Variants in MAVS observed in about 807,000 individuals in gnomAD.
MAVS encodes the protein mitochondrial antiviral-signaling protein.
Under a neutral mutation model 30.2 loss-of-function variants are expected in MAVS, and 20 were observed. The observed-to-expected ratio is 0.66, with a 90% CI of 0.47 to 0.96. The LOEUF (loss-of-function observed/expected upper bound fraction) is 0.96. MAVS is among the 40% of genes least tolerant of loss of function. MAVS has a pLI of 0.00. For missense variants in MAVS, 624 were observed against 701.1 expected, an observed-to-expected ratio of 0.89 and a Z score of 1.24; for synonymous variants, 278 against 293.9, an observed-to-expected ratio of 0.95 and a Z score of 0.55.
At chr20:3,857,958 C>A (rs141959982) in intron 3 of MAVS, 149 bp downstream of exon 3, 75 of 818,490 alleles carry the variant, frequency 9.2e-5, no homozygotes, top group Middle Eastern at 8.9e-4. Context: ...TAGATCCAGG[C>A]TGAGCCACTT....
Position 3,867,060 on chromosome 20 carries a change from C to T in MAVS, c.*913C>T. 2.2e-6 allele frequency: 1 copy of T among 456,752 alleles called. No individual in the cohort carries two copies. The highest frequency in any genetic ancestry group is 4.4e-6 in the Non-Finnish European group (1 of 226,980). The allele number at this position is 456,752 out of a possible 1,614,324, so 28.3% of individuals were successfully genotyped here. On this transcript the variant is annotated 3_prime_UTR_variant, in exon 7 of 7. Coordinates refer to ENST00000428216, the MANE Select transcript of MAVS (RefSeq NM_020746.5). ...ACAGGTGTTTGCCAAGTGCCTGGCC[C>T]AGAGCAAGTGGCCACTGCTTCTCCC...
rs1453765208 is a variant in MAVS at position 3,871,574 on chromosome 20, T to A, written c.*5427T>A. ...CCCTTCCAGCAGGCAGAAATCCCTGTGCTAGGCAAGATTCAAACTCCGTAG... is the reference window on the plus strand; with the variant it reads ...CCCTTCCAGCAGGCAGAAATCCCTGAGCTAGGCAAGATTCAAACTCCGTAG... On this transcript the variant is annotated 3_prime_UTR_variant, in exon 7 of 7. Coordinates refer to ENST00000428216, the MANE Select transcript of MAVS (RefSeq NM_020746.5). The A allele has an allele frequency of 1.3e-5, 2 of 152,406 alleles. No homozygotes were observed. Among genetic ancestry groups the A allele is most frequent in the Non-Finnish European group, 2.9e-5 (2 of 68,082 alleles). 9.4% of individuals were successfully genotyped at this position (152,406 alleles called of 1,614,324 possible).
At chr20:3,856,552 A>G (rs907191037) in intron 2 of MAVS, among the ~76,000 whole-genome samples, 5 of 150,966 alleles carry the variant, frequency 3.3e-5, no homozygotes, top group African/African-American at 9.8e-5. Context: ...GACTTTCACC[A>G]TGTTGGTCAG....
At position 3,875,819 on chromosome 20, in the gene MAVS, C is replaced by T. The variant is rs2089987219; in HGVS notation, c.*9672C>T. ...TCCATCTCCGTCCTGCCTCCCCCATCCCCAGGTGCCATTCCCACACCATCT... is the reference window on the plus strand; with the variant it reads ...TCCATCTCCGTCCTGCCTCCCCCATTCCCAGGTGCCATTCCCACACCATCT... On this transcript the variant is annotated 3_prime_UTR_variant, in exon 7 of 7. Coordinates refer to ENST00000428216, the MANE Select transcript of MAVS (RefSeq NM_020746.5). 6.6e-6 allele frequency: 1 copy of T among 152,534 alleles called. No individual in the cohort carries two copies. The highest frequency in any genetic ancestry group is 1.5e-5 in the Non-Finnish European group (1 of 68,102). The allele number at this position is 152,534 out of a possible 1,614,324, so 9.4% of individuals were successfully genotyped here.
At chr20:3,855,680 G>T (rs752311714) in intron 2 of MAVS, among the ~76,000 whole-genome samples, 3 of 152,230 alleles carry the variant, frequency 2.0e-5, no homozygotes, top group Non-Finnish European at 2.9e-5. Context: ...GCATTAGTAT[G>T]CAGGTCTGTT....
chr20:3,850,638 G>A (rs962327359), intron 1 of MAVS, among the ~76,000 whole-genome samples: 1 of 150,916 alleles, frequency 6.6e-6, no homozygotes, highest in Non-Finnish European at 1.5e-5. Context: ...TGTAATCCCA[G>A]CACTTTGGGA....
intron 3 of MAVS, among the ~76,000 whole-genome samples, chr20:3,859,574 G>T (rs1250077174): frequency 2.0e-5 from 3 of 151,782 alleles, no homozygotes; most frequent in African/African-American, 7.3e-5. Context: ...CTGATGAGGG[G>T]TGGGGGCAAA....
At chr20:3,847,086 G>A (rs904230688) in intron 1 of MAVS, among the ~76,000 whole-genome samples, 183 bp downstream of exon 1, 1 of 152,180 alleles carries the variant, frequency 6.6e-6, no homozygotes, top group Non-Finnish European at 1.5e-5. Context: ...CAAGAGTTTC[G>A]GGAACACTGA....
rs2089900042 is a variant in MAVS at position 3,865,628 on chromosome 20, AG to A, written c.1159-53del. The stretch of plus-strand genomic sequence containing the variant: ...GGCCTGGGAATGGGACCGCCCTACC[AG>A]GTTCGTCTCCCTGCCAACCCCAGTC... On this transcript the variant is annotated intron_variant, in intron 6 of 6. Coordinates refer to ENST00000428216, the MANE Select transcript of MAVS (RefSeq NM_020746.5). This position sits in a 1 kb window ranked among gnomAD's most constrained non-coding sequence, Gnocchi z 4.7. 6.7e-7 allele frequency: 1 copy of A among 1,486,050 alleles called. No homozygotes were observed. Among genetic ancestry groups the A allele is most frequent in the Admixed American group, 2.2e-5 (1 of 45,696 alleles). The allele number at this position is 1,486,050 out of a possible 1,614,324, so 92.1% of individuals were successfully genotyped here. A position where few individuals can be genotyped will look rare whatever the true frequency, so the allele number is the denominator to read the frequency against.
intron 5 of MAVS, 21 bp from the exon 6 acceptor site, chr20:3,864,235 C>G (rs530437748): frequency 9.4e-6 from 15 of 1,587,602 alleles, no homozygotes; most frequent in Middle Eastern, 3.4e-4. Context: ...TGTGTTTCCA[C>G]TTGTGTTTTT....
intron 1 of MAVS, among the ~76,000 whole-genome samples, chr20:3,848,356 C>T (rs925137390): frequency 2.6e-5 from 4 of 152,208 alleles, no homozygotes; most frequent in African/African-American, 9.7e-5. Context: ...GCCTCGGCCT[C>T]CCAAAGTGCT....
intron 2 of MAVS, among the ~76,000 whole-genome samples, 185 bp from the exon 3 acceptor site, chr20:3,857,450 T>C (rs2089820839): frequency 6.6e-6 from 1 of 152,228 alleles, no homozygotes; most frequent in Non-Finnish European, 1.5e-5. Context: ...CCTTTATTGA[T>C]GTGGCTGCTA....
intron 1 of MAVS, among the ~76,000 whole-genome samples, chr20:3,848,343 C>T (rs574327971): frequency 5.9e-5 from 9 of 152,214 alleles, no homozygotes; most frequent in Non-Finnish European, 1.2e-4. Context: ...AAGTGATCTG[C>T]CTGCCTCGGC....
At chr20:3,857,431 C>A (rs879308243) in intron 2 of MAVS, among the ~76,000 whole-genome samples, 1 of 152,244 alleles carries the variant, frequency 6.6e-6, no homozygotes, top group Non-Finnish European at 1.5e-5. Context: ...TGCCAGTTTC[C>A]GGCAGCTGCC....
chr20:3,864,207 G>A (rs370366761), intron 5 of MAVS, 49 bp from the exon 6 acceptor site: 60 of 1,554,620 alleles, frequency 3.9e-5, no homozygotes, highest in Non-Finnish European at 5.0e-5. Context: ...CAGGCCTCAA[G>A]GTAATGGTCT....
Position 3,866,137 on chromosome 20 carries a change from G to T in MAVS, c.1613G>T (p.Arg538Leu), listed in dbSNP as rs761713524. The change falls in exon 7 of 7, where the codon CGT becomes CTT. Residue 538 changes from arginine to leucine, a missense_variant. Arg to Leu is a moderately radical substitution (Grantham distance 102). Transcript: ENST00000428216. ...CTCCTGGTGGTGCTGTACCGGCGGC[G>T]TCTGCACTAGTGAAGCCCTGGGCTC... ...VTLLVVLYRR[R>L]LH 2 of 1,587,344 alleles carry T rather than the reference G, an allele frequency of 1.3e-6. No individual in the cohort carries two copies. Among genetic ancestry groups the T allele is most frequent in the Non-Finnish European group, 1.7e-6 (2 of 1,169,338 alleles).
At chr20:3,857,881 C>G (rs766906782) in intron 3 of MAVS, 72 bp downstream of exon 3, 3 of 1,482,376 alleles carry the variant, frequency 2.0e-6, no homozygotes, top group Non-Finnish European at 2.8e-6. Flanking sequence ...TTCTCTCTCC[C>G]TGTACTTCCT....
chr20:3,861,503 A>C lies in MAVS; in HGVS notation c.464A>C (p.Glu155Ala), dbSNP rs763654548. 5 of 1,613,004 alleles carry C rather than the reference A, an allele frequency of 3.1e-6. No individual in the cohort carries two copies. The East Asian group carries it at 1.1e-4, about 36-fold the overall frequency. The change falls in exon 4 of 7, where the codon GAG (glutamate) becomes GCG (alanine). Residue 155 changes from glutamate to alanine, a missense_variant and splice_region_variant. Coordinates refer to ENST00000428216, the MANE Select transcript of MAVS (RefSeq NM_020746.5). ...ACCCAGGCGCCAGAGTCCCCAGGAG[A>C]GGTCTGTCCTCATAGTCTACCTTGA... ...QETQAPESPG[E>A]NSEQALQTLS... is the part of the protein sequence containing the mutation.
intron 1 of MAVS, 32 bp downstream of exon 1, chr20:3,846,935 C>T (rs1339533655): frequency 6.6e-6 from 1 of 152,446 alleles, no homozygotes; most frequent in Non-Finnish European, 1.5e-5. Flanking sequence ...TGGGTCCTTT[C>T]GGCTCAGCAC....
Sources: allele counts gnomAD v4.1 joint callset (sites outside exome capture counted in the v4.1 genomes callset), GRCh38; gene constraint gnomAD v4.1.1; non-coding constraint Gnocchi (gnomAD v3.1); transcripts MANE v1.5; gene names NCBI Gene and HGNC (gene_info 2026-07-23, HGNC 2026-07-21).